Variants in FSTL4 observed in about 807,000 individuals in gnomAD.
FSTL4 encodes follistatin like 4, also known as follistatin-related protein 4.
A neutral mutation model predicts 78.2 loss-of-function variants in FSTL4; 28 were observed. The observed-to-expected ratio is 0.36, with a 90% CI of 0.27 to 0.49. FSTL4 has a LOEUF of 0.49. FSTL4 is among the 20% of genes least tolerant of loss of function. The pLI, the probability that FSTL4 is intolerant of heterozygous loss-of-function variation, is 0.98. For missense variants in FSTL4, 922 were observed against 1,084.9 expected (o/e 0.85, Z 2.11); for synonymous variants, 422 against 440.5 (o/e 0.96, Z 0.53).
At chr5:133,742,609 G>A in the FSTL4 span, among the ~76,000 whole-genome samples, 1 of 152,034 alleles carries the variant, frequency 6.6e-6, no homozygotes, top group African/African-American at 2.4e-5. Flanking sequence ...ACCATGAAAG[G>A]TCCTCAGCTC....
intron 3 of FSTL4, among the ~76,000 whole-genome samples, chr5:133,446,395 G>A (rs962834950): frequency 6.6e-6 from 1 of 152,190 alleles, no homozygotes; most frequent in African/African-American, 2.4e-5. Flanking sequence ...AGCCGAGATC[G>A]AACCATGCCA....
chr5:133,375,189 CTGTTT>C, intron 4 of FSTL4, among the ~76,000 whole-genome samples: 1 of 150,202 alleles, frequency 6.7e-6, no homozygotes, highest in Admixed American at 6.7e-5. Flanking sequence ...CCATTACCTG[CTGTTT>C]TCCAAAGAAA....
At chr5:133,395,145 G>A (rs1487613734) in intron 4 of FSTL4, among the ~76,000 whole-genome samples, 1 of 152,158 alleles carries the variant, frequency 6.6e-6, no homozygotes, top group Admixed American at 6.5e-5. Context: ...AGGAATAAAA[G>A]CAGGCTGCCC....
At chr5:133,719,248 C>G in the FSTL4 span, among the ~76,000 whole-genome samples, 1 of 152,128 alleles carries the variant, frequency 6.6e-6, no homozygotes, top group Non-Finnish European at 1.5e-5. Context: ...TTCAGTGATT[C>G]TGTAAAGGAT....
At chr5:133,343,320 T>C (rs1754626078) in intron 4 of FSTL4, among the ~76,000 whole-genome samples, 1 of 152,142 alleles carries the variant, frequency 6.6e-6, no homozygotes, top group Admixed American at 6.5e-5. Context: ...AAAGCAGACA[T>C]ACCTTGGCTG....
the FSTL4 span, among the ~76,000 whole-genome samples, chr5:133,786,482 A>G: frequency 6.6e-6 from 1 of 152,184 alleles, no homozygotes. Flanking sequence ...AAAGTCTACC[A>G]AAGAATTTGC....
chr5:133,758,826 C>T, the FSTL4 span, among the ~76,000 whole-genome samples: 1 of 152,190 alleles, frequency 6.6e-6, no homozygotes, highest in Non-Finnish European at 1.5e-5. Flanking sequence ...GATGACACCA[C>T]CAGAGCAGTC....
the FSTL4 span, among the ~76,000 whole-genome samples, chr5:133,633,107 T>G: frequency 6.6e-6 from 1 of 152,214 alleles, no homozygotes; most frequent in Non-Finnish European, 1.5e-5. Context: ...TTTCAGAAAT[T>G]TTAGAAATTA....
At chr5:133,532,528 T>C (rs925055522) in intron 3 of FSTL4, among the ~76,000 whole-genome samples, 1 of 152,152 alleles carries the variant, frequency 6.6e-6, no homozygotes, top group African/African-American at 2.4e-5. Context: ...CCCAGGACAC[T>C]GGTTACTTAA....
At chr5:133,274,380 C>CTTT (rs59634629) in intron 6 of FSTL4, among the ~76,000 whole-genome samples, 2 of 71,030 alleles carry the variant, frequency 2.8e-5, no homozygotes, top group Non-Finnish European at 4.8e-5. Context: ...GCAATCTGTG[C>CTTT]TTTTTTTTTT....
At chr5:133,218,620 G>A (rs190920178) in intron 12 of FSTL4, among the ~76,000 whole-genome samples, 5 of 152,098 alleles carry the variant, frequency 3.3e-5, no homozygotes, top group East Asian at 1.9e-4. Context: ...CAATCACGCC[G>A]CTCTCCTGCA....
the FSTL4 span, among the ~76,000 whole-genome samples, chr5:133,655,032 C>T: frequency 0.051 from 7,754 of 152,256 alleles, 686 homozygotes; most frequent in African/African-American, 0.18. Context: ...AGGATACCAA[C>T]ATCTGTCTCC....
At chr5:133,398,960 C>T (rs1756145729) in intron 4 of FSTL4, among the ~76,000 whole-genome samples, 2 of 152,216 alleles carry the variant, frequency 1.3e-5, no homozygotes, top group South Asian at 4.1e-4. Context: ...TGAAGCAGAA[C>T]TGAGCCCTGA....
the FSTL4 span, among the ~76,000 whole-genome samples, chr5:133,811,458 C>G: frequency 1.3e-5 from 2 of 152,178 alleles, no homozygotes; most frequent in East Asian, 3.8e-4. Flanking sequence ...TGGGTACACC[C>G]TGGGACTCAG....
the FSTL4 span, among the ~76,000 whole-genome samples, chr5:133,641,332 A>G: frequency 6.6e-6 from 1 of 152,192 alleles, no homozygotes; most frequent in African/African-American, 2.4e-5. Context: ...CTCAGGCTCA[A>G]TAGGACAAGG....
the FSTL4 span, among the ~76,000 whole-genome samples, chr5:133,647,599 A>C: frequency 6.6e-6 from 1 of 152,170 alleles, no homozygotes; most frequent in Non-Finnish European, 1.5e-5. Context: ...CCTTTCCAGG[A>C]GATAGCACAC....
chr5:133,665,916 G>C, the FSTL4 span, among the ~76,000 whole-genome samples: 1 of 152,164 alleles, frequency 6.6e-6, no homozygotes, highest in South Asian at 2.1e-4. Flanking sequence ...AAGCCTGCAA[G>C]CTGGGCCACT....
the FSTL4 span, among the ~76,000 whole-genome samples, chr5:133,684,517 G>A: frequency 1.3e-5 from 2 of 152,232 alleles, no homozygotes; most frequent in Admixed American, 1.3e-4. Context: ...CTGCAACCAA[G>A]ACTTCACAGT....
chr5:133,706,259 AGG>A, the FSTL4 span, among the ~76,000 whole-genome samples: 1 of 152,214 alleles, frequency 6.6e-6, no homozygotes, highest in African/African-American at 2.4e-5. Flanking sequence ...TTTAGCACAC[AGG>A]GCCTAGTTCA....
Sources: gnomAD v4.1 joint callset for allele counts (sites outside exome capture counted in the v4.1 genomes callset) on GRCh38, gnomAD v4.1.1 for gene constraint, MANE v1.5 for transcripts, NCBI Gene and HGNC (gene_info 2026-07-23, HGNC 2026-07-21) for gene names.